Variants in ADAMTSL1 observed in about 807,000 individuals in gnomAD.
ADAMTSL1 encodes the protein ADAMTS like 1.
A neutral mutation model predicts 201.8 loss-of-function variants in ADAMTSL1; 126 were observed. The observed-to-expected ratio is 0.62, with a 90% CI of 0.54 to 0.72. ADAMTSL1 has a LOEUF of 0.72. Ranked by LOEUF, ADAMTSL1 falls within the 30% of genes least tolerant of loss-of-function variation. The pLI is 0.00. For synonymous variants in ADAMTSL1, 1,121 were observed against 903.4 expected, an observed-to-expected ratio of 1.24 and a Z score of -4.32; for missense variants, 2,679 against 2,277.8, an observed-to-expected ratio of 1.18 and a Z score of -3.59.
At chr9:18,713,273 C>A (rs958208354) in intron 14 of ADAMTSL1, among the ~76,000 whole-genome samples, 1 of 151,928 alleles carries the variant, frequency 6.6e-6, no homozygotes, top group Admixed American at 6.6e-5. Flanking sequence ...TGTCAATGGA[C>A]TAAATGCTCC....
At chr9:18,125,113 T>C (rs1210587029) in intron 1 of ADAMTSL1, among the ~76,000 whole-genome samples, 2 of 152,162 alleles carry the variant, frequency 1.3e-5, no homozygotes, top group East Asian at 3.9e-4. Context: ...GACTGAGCAA[T>C]TTACAAGAGA....
At chr9:18,232,520 G>A (rs1258326473) in intron 2 of ADAMTSL1, among the ~76,000 whole-genome samples, 1 of 151,854 alleles carries the variant, frequency 6.6e-6, no homozygotes, top group East Asian at 1.9e-4. Flanking sequence ...TTTTTTCGCT[G>A]ATGTGTTTTT....
At chr9:18,857,186 G>A (rs975931106) in intron 23 of ADAMTSL1, among the ~76,000 whole-genome samples, 1 of 152,154 alleles carries the variant, frequency 6.6e-6, no homozygotes, top group Non-Finnish European at 1.5e-5. Context: ...GTTGAAAGTG[G>A]AATACAAAGA....
intron 1 of ADAMTSL1, among the ~76,000 whole-genome samples, chr9:18,495,471 G>A (rs2131877287): frequency 6.6e-6 from 1 of 152,200 alleles, no homozygotes; most frequent in African/African-American, 2.4e-5. Context: ...TAGCCCCAGA[G>A]CACCTCCTAG....
intron 4 of ADAMTSL1, among the ~76,000 whole-genome samples, chr9:18,595,812 C>G (rs1824226296): frequency 6.6e-6 from 1 of 152,220 alleles, no homozygotes; most frequent in African/African-American, 2.4e-5. Context: ...AGCCAAGCCC[C>G]TTCAGGGACT....
intron 23 of ADAMTSL1, among the ~76,000 whole-genome samples, chr9:18,883,315 C>T (rs184306049): frequency 6.6e-6 from 1 of 152,240 alleles, no homozygotes; most frequent in African/African-American, 2.4e-5. Context: ...CAGGCCAGTC[C>T]CGGCATGACT....
chr9:18,583,985 T>A (rs933456472), intron 4 of ADAMTSL1, among the ~76,000 whole-genome samples: 18 of 152,238 alleles, frequency 1.2e-4, no homozygotes, highest in Non-Finnish European at 2.2e-4. Flanking sequence ...TTGTCTCAGA[T>A]GAGACGATGG....
At chr9:18,006,312 A>T (rs946770632) in intron 1 of ADAMTSL1, among the ~76,000 whole-genome samples, 22 of 151,998 alleles carry the variant, frequency 1.4e-4, no homozygotes, top group Non-Finnish European at 3.2e-4. Flanking sequence ...CTTTAATTTT[A>T]ATATAATTAA....
At chr9:18,673,312 G>T (rs1829939964) in intron 9 of ADAMTSL1, among the ~76,000 whole-genome samples, 1 of 152,122 alleles carries the variant, frequency 6.6e-6, no homozygotes, top group African/African-American at 2.4e-5. Context: ...GTAGTGAAAG[G>T]CTAGGGCCAT....
intron 2 of ADAMTSL1, among the ~76,000 whole-genome samples, chr9:18,290,091 C>T (rs1243051237): frequency 6.6e-6 from 1 of 152,058 alleles, no homozygotes; most frequent in Middle Eastern, 3.2e-3. Context: ...GTTTGGGAAC[C>T]TTAATCATCA....
chr9:18,378,494 T>A (rs113571209), intron 2 of ADAMTSL1, among the ~76,000 whole-genome samples: 1 of 152,208 alleles, frequency 6.6e-6, no homozygotes, highest in Non-Finnish European at 1.5e-5. Context: ...ACTTAAGATA[T>A]TAACTTGAGA....
chr9:18,426,665 A>G (rs574617876), intron 2 of ADAMTSL1, among the ~76,000 whole-genome samples: 2 of 152,274 alleles, frequency 1.3e-5, no homozygotes, highest in Admixed American at 1.3e-4. Context: ...GTGTAGGGAC[A>G]TAGCTCTGAG....
chr9:18,518,732 A>G (rs928887660), intron 2 of ADAMTSL1, among the ~76,000 whole-genome samples: 10 of 152,060 alleles, frequency 6.6e-5, no homozygotes, highest in African/African-American at 2.4e-4. Flanking sequence ...TTTTTGAGAC[A>G]TATTCTCCCT....
At chr9:18,528,445 G>A (rs942834699) in intron 2 of ADAMTSL1, among the ~76,000 whole-genome samples, 22 of 151,996 alleles carry the variant, frequency 1.4e-4, no homozygotes, top group African/African-American at 4.1e-4. Context: ...TTCAGCTCCC[G>A]CTTGTAAGTG....
intron 12 of ADAMTSL1, 96 bp from the exon 13 acceptor site, chr9:18,684,620 C>G: frequency 5.1e-6 from 7 of 1,365,868 alleles, no homozygotes; most frequent in Non-Finnish European, 6.9e-6. Flanking sequence ...TGTTGGTCAA[C>G]GTAGTAACTT....
At chr9:18,836,949 C>T (rs1825348503) in intron 23 of ADAMTSL1, among the ~76,000 whole-genome samples, 1 of 152,130 alleles carries the variant, frequency 6.6e-6, no homozygotes, top group South Asian at 2.1e-4. Flanking sequence ...TGATTTTGTA[C>T]ATTGATTCTG....
At chr9:18,524,538 T>C (rs7044243) in intron 2 of ADAMTSL1, among the ~76,000 whole-genome samples, 170 of 152,026 alleles carry the variant, frequency 1.1e-3, no homozygotes, top group Non-Finnish European at 2.0e-3. Flanking sequence ...AGGGAATGCT[T>C]CCAGTTTTTG....
At chr9:18,144,775 A>G (rs79935144) in intron 1 of ADAMTSL1, among the ~76,000 whole-genome samples, 3,937 of 152,276 alleles carry the variant, frequency 0.026, 72 homozygotes, top group Non-Finnish European at 0.041. Flanking sequence ...CACCCAGCTC[A>G]GAGGGGTCCA....
chr9:18,736,058 C>T (rs1327667719), intron 15 of ADAMTSL1, among the ~76,000 whole-genome samples: 1 of 152,074 alleles, frequency 6.6e-6, no homozygotes, highest in Non-Finnish European at 1.5e-5. Flanking sequence ...CTGTAGAAAA[C>T]CACAGAAGGA....
Sources: gnomAD v4.1 joint callset for allele counts (sites outside exome capture counted in the v4.1 genomes callset) on GRCh38, gnomAD v4.1.1 for gene constraint, MANE v1.5 for transcripts, NCBI Gene and HGNC (gene_info 2026-07-23, HGNC 2026-07-21) for gene names.